Variants in LAMA1 observed in about 807,000 individuals in gnomAD.
The protein encoded by LAMA1 is laminin subunit alpha-1.
In LAMA1, 219 loss-of-function variants were observed where a neutral mutation model predicts 348.7. The observed-to-expected ratio is 0.63, with a 90% CI of 0.56 to 0.70. The LOEUF (loss-of-function observed/expected upper bound fraction) is 0.70. Ranked by LOEUF, LAMA1 falls within the 30% of genes least tolerant of loss-of-function variation. The pLI is 0.00. For missense variants in LAMA1, 3,744 were observed against 3,888.0 expected (o/e 0.96, Z 0.99); for synonymous variants, 1,487 against 1,491.0 (o/e 1.00, Z 0.06).
rs1036535701 is a variant in LAMA1 at position 7,056,058 on chromosome 18, C to T, written c.346-5122G>A. 4.7e-5 allele frequency among the ~76,000 whole-genome samples: 7 copies of T among 149,926 alleles called. No homozygotes were observed. In the East Asian group the frequency reaches 7.9e-4, roughly 17 times the overall value. On this transcript the variant is annotated intron_variant, in intron 3 of 62. Coordinates refer to ENST00000389658, the MANE Select transcript of LAMA1 (RefSeq NM_005559.4). ...TTGCACCACTGCACTTCAGCCTGGG[C>T]GACAGTGTGAGACTGTCTCCAAAAA...
intron 7 of LAMA1, 83 bp downstream of exon 7, chr18:7,044,639 C>T: frequency 9.4e-7 from 1 of 1,059,516 alleles, no homozygotes; most frequent in African/African-American, 1.6e-5. Flanking sequence ...TACCTGCTAA[C>T]TATAAAAGTT....
In LAMA1 at chr18:6,962,060, C is replaced by CT. The variant is rs762855950; in HGVS notation, c.7338-2dup. The CT allele has an allele frequency of 1.4e-5, 22 of 1,605,736 alleles. No individual in the cohort carries two copies. Among genetic ancestry groups the CT allele is most frequent in the Non-Finnish European group, 1.9e-5 (22 of 1,172,500 alleles). Reference sequence around the variant, plus strand: ...AAAGCTTTTGGTGGTGACACCTCTCCTGTAGGGAAGGGCATGAGAACAATC... The same window carrying CT: ...AAAGCTTTTGGTGGTGACACCTCTCCTTGTAGGGAAGGGCATGAGAACAATC... On this transcript the variant is annotated splice_acceptor_variant, in intron 51 of 62. Coordinates refer to ENST00000389658, the MANE Select transcript of LAMA1 (RefSeq NM_005559.4). LOFTEE classifies it high-confidence loss of function.
chr18:7,042,721 A>G, intron 8 of LAMA1: 1 of 206,040 alleles, frequency 4.9e-6, no homozygotes, highest in South Asian at 8.6e-5. Flanking sequence ...TGTCTCTACT[A>G]AAAATACAAA....
At chr18:6,950,207 C>T (rs1333536581) in intron 58 of LAMA1, among the ~76,000 whole-genome samples, 1 of 152,194 alleles carries the variant, frequency 6.6e-6, no homozygotes, top group African/African-American at 2.4e-5. Context: ...TTTGCCATTC[C>T]TTATCCCCCG....
At chr18:6,944,763 C>G (rs1316381540) in intron 61 of LAMA1, among the ~76,000 whole-genome samples, 1 of 152,042 alleles carries the variant, frequency 6.6e-6, no homozygotes, top group Non-Finnish European at 1.5e-5. Flanking sequence ...ATTGTTTAAG[C>G]CACACAGTCT....
chr18:7,061,625 G>A (rs889135040), intron 3 of LAMA1, among the ~76,000 whole-genome samples: 1 of 152,258 alleles, frequency 6.6e-6, no homozygotes, highest in South Asian at 2.1e-4. Context: ...ATTTGTTCAT[G>A]TTGGGACAGT....
At chr18:7,037,522 TCAGTGTTCC>T (rs1480086314) in intron 12 of LAMA1, 47 bp downstream of exon 12, 1 of 1,602,228 alleles carries the variant, frequency 6.2e-7, no homozygotes, top group Non-Finnish European at 8.5e-7. Context: ...AAGTTCTTTC[TCAGTGTTCC>T]CTGAGATCTT....
At position 6,965,966 on chromosome 18, in the gene LAMA1, T is replaced by C. The variant is rs73390556; in HGVS notation, c.7050+181A>G. On this transcript the variant is annotated intron_variant, in intron 49 of 62. Coordinates refer to ENST00000389658, the MANE Select transcript of LAMA1 (RefSeq NM_005559.4). ...CTAAAGGTTCTACAATGATAATAAA[T>C]AATTTAAAATGAGGAAATTGTTTAG... The C allele has an allele frequency of 0.018, 12,155 of 665,688 alleles. 1,100 individuals are homozygous for C. The African/African-American group carries it at 0.19, about 11-fold the overall frequency. The allele number at this position is 665,688 out of a possible 1,614,324, so 41.2% of individuals were successfully genotyped here.
chr18:7,025,530 A>T (rs1198276553), intron 17 of LAMA1, among the ~76,000 whole-genome samples: 1 of 152,048 alleles, frequency 6.6e-6, no homozygotes, highest in African/African-American at 2.4e-5. Flanking sequence ...CTCAGGACAC[A>T]GTAGGCACTC....
In LAMA1 at chr18:6,965,311, G is replaced by C; in HGVS notation, c.7172C>G (p.Ala2391Gly). 6.2e-7 allele frequency: 1 copy of C among 1,614,182 alleles called. No individual in the cohort carries two copies. Among genetic ancestry groups the C allele is most frequent in the Non-Finnish European group, 8.5e-7 (1 of 1,180,022 alleles). ...RYNNGTWYKIAFQRNRKQGVL... is the reference protein window; with the variant it reads ...RYNNGTWYKIGFQRNRKQGVL... ...ACCTTGCTTCCGGTTTCGCTGGAAG[G>C]CAATTTTGTACCAGGTTCCATTGTT... is the stretch of plus-strand genomic sequence containing the variant. Residue 2391 changes from alanine (A) to glycine (G), a missense_variant, in exon 50 of 63, where the codon GCC (alanine) becomes GGC (glycine). Ala to Gly is a moderately conservative substitution (Grantham distance 60). Around this residue, in one of 3 missense-constraint regions of LAMA1, gnomAD observed 1,983 missense variants for 1,934.3 expected, o/e 1.03. Transcript: ENST00000389658.
At chr18:7,037,439 A>T in intron 12 of LAMA1, 139 bp downstream of exon 12, 1 of 901,876 alleles carries the variant, frequency 1.1e-6, no homozygotes. Context: ...GTATCATCAG[A>T]TGCAAGTACA....
Position 6,975,520 on chromosome 18 carries a change from C to T in LAMA1, c.6489+417G>A, listed in dbSNP as rs146806620. Among the ~76,000 whole-genome samples the T allele has an allele frequency of 2.8e-3, 432 of 152,370 alleles. 1 individual carries two copies. Among genetic ancestry groups the T allele is most frequent in the African/African-American group, 9.7e-3 (404 of 41,588 alleles). On this transcript the variant is annotated intron_variant, in intron 45 of 62. Transcript: ENST00000389658. ...GCCCGTTAACATTTTCTGCCCTACA[C>T]ACCCCAGGCTTCTGACCTGTTCTCA...
chr18:7,052,054 C>T (rs568084662), intron 3 of LAMA1, among the ~76,000 whole-genome samples: 185 of 152,284 alleles, frequency 1.2e-3, no homozygotes, highest in Middle Eastern at 3.4e-3. Context: ...GAAACACACG[C>T]TATGGTGCAT....
At chr18:6,953,500 A>T (rs2057559663) in intron 57 of LAMA1, among the ~76,000 whole-genome samples, 1 of 152,320 alleles carries the variant, frequency 6.6e-6, no homozygotes, top group South Asian at 2.1e-4. Context: ...CCGAGGTTTC[A>T]GGCAACCACT....
At chr18:7,107,141 C>CG (rs1455399635) in intron 1 of LAMA1, among the ~76,000 whole-genome samples, 2 of 123,096 alleles carry the variant, frequency 1.6e-5, no homozygotes, top group African/African-American at 6.7e-5. Flanking sequence ...TTTTTTGAGA[C>CG]GGAGTCTCAC....
chr18:7,099,840 T>C (rs900516744), intron 1 of LAMA1, among the ~76,000 whole-genome samples: 34 of 151,592 alleles, frequency 2.2e-4, no homozygotes, highest in South Asian at 2.1e-4. Context: ...GGGCAGATCA[T>C]GAGGTCAGGA....
chr18:6,993,641 C>T lies in LAMA1; in HGVS notation c.5008G>A (p.Glu1670Lys). The T allele has an allele frequency of 5.6e-6, 9 of 1,601,684 alleles. No homozygotes were observed. The highest frequency in any genetic ancestry group is 7.7e-6 in the Non-Finnish European group (9 of 1,168,638). ...AIERLQMSIT[E>K]IMEKTTLNQT... ...TCAAACTAGACACTGCCCACACTAC[C>T]TGTGATGCTCATCTGCAGCCTCTCA... is the stretch of plus-strand genomic sequence containing the variant. The change falls in exon 35 of 63, where the codon GAA becomes AAA. Residue 1670 changes from glutamate (E) to lysine (K), a missense_variant and splice_region_variant. Glu to Lys is a moderately conservative substitution (Grantham distance 56, BLOSUM62 1). Transcript: ENST00000389658.
chr18:7,094,384 G>A (rs924681045), intron 1 of LAMA1, among the ~76,000 whole-genome samples: 9 of 139,528 alleles, frequency 6.5e-5, no homozygotes, highest in East Asian at 2.1e-4. Flanking sequence ...AGATTATTGC[G>A]CCACTGCACT....
At chr18:7,096,898 A>C (rs994586555) in intron 1 of LAMA1, among the ~76,000 whole-genome samples, 1 of 152,222 alleles carries the variant, frequency 6.6e-6, no homozygotes, top group African/African-American at 2.4e-5. Context: ...GATGCGTGGA[A>C]GAGAGCGTCC....
Sources: gnomAD v4.1 joint callset for allele counts (sites outside exome capture counted in the v4.1 genomes callset) on GRCh38, gnomAD v4.1.1 for gene constraint, gnomAD v4.1.1 regional missense constraint, MANE v1.5 for transcripts, NCBI Gene and HGNC (gene_info 2026-07-23, HGNC 2026-07-21) for gene names.